The following IGF2R variants were observed in gnomAD, a reference collection of about 807,000 sequenced individuals.
IGF2R encodes the protein cation-independent mannose-6-phosphate receptor.
Under a neutral mutation model 270.6 loss-of-function variants are expected in IGF2R, and 91 were observed. That is an observed-to-expected ratio of 0.34 (90% confidence interval 0.28 to 0.40). The LOEUF is 0.40. Among genes scored for constraint, IGF2R ranks in the 10% least tolerant of loss-of-function variants. IGF2R has a pLI of 1.00. For synonymous variants in IGF2R, 1,316 were observed against 1,258.9 expected (o/e 1.05, Z -0.96); for missense variants, 2,805 against 3,188.3 (o/e 0.88, Z 2.90).
chr6:160,082,343 CTT>C (rs749031208), intron 39 of IGF2R, among the ~76,000 whole-genome samples: 8 of 149,094 alleles, frequency 5.4e-5, no homozygotes, highest in Non-Finnish European at 3.0e-5. Flanking sequence ...GAGTTTTGCT[CTT>C]GTTGCCCAGG....
intron 4 of IGF2R, among the ~76,000 whole-genome samples, chr6:160,016,758 A>G (rs1583261777): frequency 6.6e-6 from 1 of 152,264 alleles, no homozygotes; most frequent in African/African-American, 2.4e-5. Flanking sequence ...CACAAAGCCT[A>G]TCTATAACCA....
At chr6:160,096,842 C>T (rs1779372215) in intron 45 of IGF2R, among the ~76,000 whole-genome samples, 1 of 152,172 alleles carries the variant, frequency 6.6e-6, no homozygotes, top group Admixed American at 6.5e-5. Flanking sequence ...TGCGTCACCT[C>T]CCACCACCCC....
rs965276522 is a variant in IGF2R, at chr6:160,064,817, A to G, written c.4031A>G (p.Lys1344Arg). 1.2e-6 allele frequency: 2 copies of G among 1,612,244 alleles called. No individual in the cohort carries two copies. The highest frequency in any genetic ancestry group is 2.7e-5 in the African/African-American group (2 of 74,910). ...TAACTTTTTTAGCCAGTATTTCTAA[A>G]GGAGACTTCAGATTGTTCCTACTTG... Reference protein sequence around the residue: ...DRGTQRPVFLKETSDCSYLFE... With the variant: ...DRGTQRPVFLRETSDCSYLFE... The change falls in exon 29 of 48, where the codon AAG becomes AGG. Residue 1344 changes from lysine (K) to arginine (R), a missense_variant. Physicochemically the swap from Lys to Arg is conservative, Grantham distance 26. Coordinates refer to ENST00000356956, the MANE Select transcript of IGF2R (RefSeq NM_000876.4).
intron 1 of IGF2R, among the ~76,000 whole-genome samples, chr6:159,976,811 G>A (rs1488146436): frequency 6.6e-6 from 1 of 152,066 alleles, no homozygotes; most frequent in African/African-American, 2.4e-5. Context: ...GGGTAAATGT[G>A]GTGGAACTTA....
rs747385250 is a variant in IGF2R, at chr6:160,000,014, C to CA, written c.289+8693dup. Among the ~76,000 whole-genome samples, 79 of 152,212 alleles carry CA rather than the reference C, an allele frequency of 5.2e-4. 1 individual carries two copies. The highest frequency in any genetic ancestry group is 9.1e-4 in the Non-Finnish European group (62 of 68,012). On this transcript the variant is annotated intron_variant, in intron 2 of 47. Transcript: ENST00000356956. ...GGAAAAACATTTCCAGCATGTTTGCCAATGTACTATTAGGATGAGAGCTTT... is the reference window on the plus strand; with the variant it reads ...GGAAAAACATTTCCAGCATGTTTGCCAAATGTACTATTAGGATGAGAGCTTT...
Position 159,991,312 on chromosome 6 carries a change from A to G in IGF2R, c.278A>G (p.Tyr93Cys). 2 of 1,609,742 alleles carry G rather than the reference A, an allele frequency of 1.2e-6. No homozygotes were observed. Among genetic ancestry groups the G allele is most frequent in the South Asian group, 2.2e-5 (2 of 89,590 alleles). ...VCMHDLKTRT[Y>C]HSVGDSVLRS... ...ATGCACGACTTGAAGACACGCACTTATCATTCAGTGGGTAAGTAGAACTAC... is the reference window on the plus strand; with the variant it reads ...ATGCACGACTTGAAGACACGCACTTGTCATTCAGTGGGTAAGTAGAACTAC... Residue 93 changes from tyrosine (Y) to cysteine (C), a missense_variant, in exon 2 of 48, where the codon TAT (tyrosine) becomes TGT (cysteine). Around this residue, in one of 2 missense-constraint regions of IGF2R, gnomAD observed 954 missense variants for 981.1 expected, o/e 0.97. Coordinates refer to ENST00000356956, the MANE Select transcript of IGF2R (RefSeq NM_000876.4).
intron 10 of IGF2R, among the ~76,000 whole-genome samples, chr6:160,039,881 A>G (rs1245468817): frequency 5.3e-5 from 8 of 152,010 alleles, no homozygotes; most frequent in African/African-American, 1.7e-4. Context: ...CTGCTGATGG[A>G]TGGGAAATCT....
At chr6:160,026,960 G>A (rs1370767674) in intron 5 of IGF2R, among the ~76,000 whole-genome samples, 1 of 152,176 alleles carries the variant, frequency 6.6e-6, no homozygotes, top group Non-Finnish European at 1.5e-5. Context: ...ATCATAACCT[G>A]TTTCCTGTGC....
At position 160,107,880 on chromosome 6, in the gene IGF2R, C is replaced by G. The variant is rs774124806; in HGVS notation, c.*2796C>G. On this transcript the variant is annotated 3_prime_UTR_variant, in exon 48 of 48. Coordinates refer to ENST00000356956, the MANE Select transcript of IGF2R (RefSeq NM_000876.4). ...GACAAAGAACTCTTTTTCCCTGAAT[C>G]ATTTGAGATGAAGTTTCTTCCCATC... 13 of 152,176 alleles carry G rather than the reference C, an allele frequency of 8.5e-5. No homozygotes were observed. Among genetic ancestry groups the G allele is most frequent in the Non-Finnish European group, 1.9e-4 (13 of 68,028 alleles). 9.4% of individuals were successfully genotyped at this position (152,176 alleles called of 1,614,324 possible).
Position 160,050,438 on chromosome 6 carries a change from G to A in IGF2R, c.2515-35G>A, listed in dbSNP as rs760241413. On this transcript the variant is annotated intron_variant, in intron 18 of 47. Transcript: ENST00000356956. The surrounding 1 kb of genome is among the most constrained non-coding windows in gnomAD (Gnocchi z 4.0). ...CAATAACGAATCGACTGTATCTTCAGGGGGAAAAGCCTAACAAGACTGGTT... is the reference window on the plus strand; with the variant it reads ...CAATAACGAATCGACTGTATCTTCAAGGGGAAAAGCCTAACAAGACTGGTT... The A allele has an allele frequency of 6.3e-7, 1 of 1,582,336 alleles. No homozygotes were observed. Among genetic ancestry groups the A allele is most frequent in the Non-Finnish European group, 8.6e-7 (1 of 1,157,842 alleles).
chr6:160,104,579 C>A, intron 47 of IGF2R, 95 bp from the exon 48 acceptor site: 1 of 1,314,324 alleles, frequency 7.6e-7, no homozygotes, highest in Non-Finnish European at 1.1e-6. Flanking sequence ...TTCCCCAGCT[C>A]GTGCCAGCAG....
intron 20 of IGF2R, 122 bp downstream of exon 20, chr6:160,056,647 T>G (rs1196712940): frequency 1.4e-6 from 1 of 709,508 alleles, no homozygotes; most frequent in African/African-American, 1.7e-5. Context: ...CTATGTTGCA[T>G]TGACAATGGG....
At position 160,104,716 on chromosome 6, in the gene IGF2R, C is replaced by T. The variant is rs1344179588; in HGVS notation, c.7108C>T (p.Leu2370=). 1.6e-5 allele frequency: 26 copies of T among 1,613,766 alleles called. No homozygotes were observed. The highest frequency in any genetic ancestry group is 2.1e-5 in the Non-Finnish European group (25 of 1,179,932). ...EETDENETEW[L]MEEIQLPPPR... ...GACAGATGAGAATGAAACAGAGTGG[C>T]TGATGGAAGAGATCCAGCTGCCTCC... Residue 2370 remains leucine, a synonymous_variant, in exon 48 of 48, where the codon CTG becomes TTG. Coordinates refer to ENST00000356956, the MANE Select transcript of IGF2R (RefSeq NM_000876.4).
chr6:160,099,099 A>G (rs978580555), intron 45 of IGF2R, among the ~76,000 whole-genome samples: 6 of 152,236 alleles, frequency 3.9e-5, no homozygotes, highest in Non-Finnish European at 5.9e-5. Flanking sequence ...GGGGCAGGCT[A>G]TGTGCCCAGC....
intron 47 of IGF2R, among the ~76,000 whole-genome samples, 174 bp from the exon 48 acceptor site, chr6:160,104,500 T>A (rs1779568355): frequency 6.6e-6 from 1 of 151,976 alleles, no homozygotes; most frequent in African/African-American, 2.4e-5. Context: ...CAGGAAGGTG[T>A]TGCCAGCCCT....
intron 1 of IGF2R, among the ~76,000 whole-genome samples, chr6:159,973,515 G>A (rs926940989): frequency 2.0e-5 from 3 of 152,158 alleles, no homozygotes; most frequent in Non-Finnish European, 4.4e-5. Flanking sequence ...GTTGAGGTTG[G>A]TTTAGTTACT....
At chr6:160,063,335 C>T in intron 26 of IGF2R, 80 bp from the exon 27 acceptor site, 5 of 1,142,140 alleles carry the variant, frequency 4.4e-6, no homozygotes, top group Non-Finnish European at 6.6e-6. Context: ...CTGCGCCCGG[C>T]CATTTGTAAA....
chr6:160,090,516 A>G (rs1779197068), intron 44 of IGF2R, among the ~76,000 whole-genome samples: 1 of 152,182 alleles, frequency 6.6e-6, no homozygotes, highest in African/African-American at 2.4e-5. Context: ...AACTGGCCTA[A>G]ATGTTAGGAT....
chr6:160,009,274 A>G, intron 3 of IGF2R, 140 bp downstream of exon 3: 3 of 658,086 alleles, frequency 4.6e-6, no homozygotes, highest in South Asian at 2.3e-5. Context: ...CCAAATGACC[A>G]TCATCATCAA....
Sources: allele counts gnomAD v4.1 joint callset (sites outside exome capture counted in the v4.1 genomes callset), GRCh38; gene constraint gnomAD v4.1.1; regional missense constraint gnomAD v4.1.1; non-coding constraint Gnocchi (gnomAD v3.1); transcripts MANE v1.5; gene names NCBI Gene and HGNC (gene_info 2026-07-23, HGNC 2026-07-21).